STX8: variants seen among roughly 807,000 people sequenced by gnomAD.
The protein encoded by STX8 is syntaxin 8.
Under a neutral mutation model 37.5 loss-of-function variants are expected in STX8, and 23 were observed. That is an observed-to-expected ratio of 0.61 (90% CI 0.44 to 0.87). The LOEUF is 0.87. Ranked by LOEUF, STX8 falls within the 40% of genes least tolerant of loss-of-function variation. The probability of loss-of-function intolerance (pLI) is 0.00; values close to 1 mark genes in which losing one functional copy is unlikely to be tolerated. For missense variants in STX8, 313 were observed against 284.7 expected (o/e 1.10, Z -0.71); for synonymous variants, 115 against 99.1 (o/e 1.16, Z -0.95).
intron 7 of STX8, among the ~76,000 whole-genome samples, chr17:9,264,128 A>G (rs1907143268): frequency 6.6e-6 from 1 of 152,228 alleles, no homozygotes; most frequent in African/African-American, 2.4e-5. Context: ...ATGAGAAGAC[A>G]GAGAAAAGAG....
intron 7 of STX8, among the ~76,000 whole-genome samples, chr17:9,370,630 C>A (rs1911373683): frequency 6.6e-6 from 1 of 152,168 alleles, no homozygotes; most frequent in Non-Finnish European, 1.5e-5. Flanking sequence ...ACTAAAATCA[C>A]AATAAACGTG....
rs1278151632 is a variant in STX8, at chr17:9,429,998, A to ATAT, written c.542-51348_542-51346dup. ...TTATATAGAATATATTATATATAAT[A>ATAT]TATATATTATATATTATATATTATA... On this transcript the variant is annotated intron_variant, in intron 6 of 7. Coordinates refer to ENST00000306357, the MANE Select transcript of STX8 (RefSeq NM_004853.3). Among the ~76,000 whole-genome samples, 7 of 20,132 alleles carry ATAT rather than the reference A, an allele frequency of 3.5e-4. 2 individuals carry two copies. Among genetic ancestry groups the ATAT allele is most frequent in the Non-Finnish European group, 5.4e-4 (7 of 12,892 alleles). 13.2% of individuals were successfully genotyped at this position (20,132 alleles called of 152,430 possible). A position where few individuals can be genotyped will look rare whatever the true frequency, so the allele number is the denominator to read the frequency against.
chr17:9,460,464 G>A (rs1226782142), intron 6 of STX8, among the ~76,000 whole-genome samples: 1 of 152,126 alleles, frequency 6.6e-6, no homozygotes, highest in Non-Finnish European at 1.5e-5. Flanking sequence ...CCTGAGGTCA[G>A]GAATTCAAGA....
At chr17:9,524,607 T>C (rs1484129112) in intron 4 of STX8, among the ~76,000 whole-genome samples, 3 of 152,130 alleles carry the variant, frequency 2.0e-5, no homozygotes, top group African/African-American at 7.2e-5. Context: ...GCAAAGGGTG[T>C]CAATGAATAA....
At chr17:9,499,690 G>T (rs1022825563) in intron 5 of STX8, among the ~76,000 whole-genome samples, 3 of 152,122 alleles carry the variant, frequency 2.0e-5, no homozygotes, top group African/African-American at 7.2e-5. Flanking sequence ...GAGCCACCAC[G>T]CCCAGCCGGA....
chr17:9,330,432 C>G (rs1000336224), intron 7 of STX8, among the ~76,000 whole-genome samples: 2 of 152,206 alleles, frequency 1.3e-5, no homozygotes, highest in African/African-American at 2.4e-5. Context: ...TCCCACCCCC[C>G]AACCCGGTCT....
chr17:9,475,491 G>GC (rs1597696078), intron 6 of STX8, among the ~76,000 whole-genome samples: 1 of 152,176 alleles, frequency 6.6e-6, no homozygotes, highest in African/African-American at 2.4e-5. Flanking sequence ...GAACAGCTGA[G>GC]CCAGTCTGCC....
intron 7 of STX8, among the ~76,000 whole-genome samples, chr17:9,351,896 C>T (rs976934402): frequency 7.2e-5 from 11 of 151,928 alleles, no homozygotes; most frequent in South Asian, 2.1e-4. Context: ...GTCCTGTAAT[C>T]CTAGCGCTTT....
intron 4 of STX8, among the ~76,000 whole-genome samples, chr17:9,541,186 C>T (rs1032366911): frequency 6.6e-6 from 1 of 152,204 alleles, no homozygotes; most frequent in African/African-American, 2.4e-5. Context: ...GAAGACAAGA[C>T]ATTGGCAGCC....
intron 2 of STX8, among the ~76,000 whole-genome samples, chr17:9,567,118 A>T (rs1432192638): frequency 6.6e-6 from 1 of 152,162 alleles, no homozygotes. Context: ...ATATGGATAC[A>T]TAGGGGGACA....
At chr17:9,495,317 C>G (rs1030527773) in intron 5 of STX8, among the ~76,000 whole-genome samples, 4 of 152,110 alleles carry the variant, frequency 2.6e-5, no homozygotes, top group Admixed American at 2.6e-4. Flanking sequence ...AAGATAAATC[C>G]ATCCTCAACC....
chr17:9,312,681 C>T (rs1022180366), intron 7 of STX8, among the ~76,000 whole-genome samples: 1 of 152,094 alleles, frequency 6.6e-6, no homozygotes, highest in African/African-American at 2.4e-5. Flanking sequence ...CGGAAGGTCA[C>T]TTGGGTTAAA....
At chr17:9,280,251 A>C (rs1425303490) in intron 7 of STX8, among the ~76,000 whole-genome samples, 2 of 152,184 alleles carry the variant, frequency 1.3e-5, no homozygotes, top group Admixed American at 6.6e-5. Flanking sequence ...AAAATCAATG[A>C]AAAAAGTGTA....
At chr17:9,518,825 T>C (rs1415968393) in intron 4 of STX8, among the ~76,000 whole-genome samples, 2 of 147,950 alleles carry the variant, frequency 1.4e-5, no homozygotes, top group East Asian at 2.0e-4. Flanking sequence ...GCCGAGATCG[T>C]GCCACTGCAC....
intron 6 of STX8, among the ~76,000 whole-genome samples, chr17:9,412,718 C>T (rs1206865143): frequency 6.6e-6 from 1 of 152,182 alleles, no homozygotes; most frequent in African/African-American, 2.4e-5. Flanking sequence ...GTGCCCTCGA[C>T]ATTATCTCAG....
At chr17:9,378,694 C>T in intron 6 of STX8, 41 bp from the exon 7 acceptor site, 1 of 1,450,800 alleles carries the variant, frequency 6.9e-7, no homozygotes, top group Non-Finnish European at 9.7e-7. Flanking sequence ...CTGAAATACC[C>T]CGGTTCACAT....
intron 4 of STX8, among the ~76,000 whole-genome samples, chr17:9,533,024 A>G (rs1319373892): frequency 6.6e-6 from 1 of 152,232 alleles, no homozygotes; most frequent in African/African-American, 2.4e-5. Flanking sequence ...GCACCAAATT[A>G]TCTATTAACA....
At chr17:9,514,657 A>G (rs9904046) in intron 4 of STX8, among the ~76,000 whole-genome samples, 5,352 of 152,238 alleles carry the variant, frequency 0.035, 360 homozygotes, top group African/African-American at 0.12. Flanking sequence ...TGATGTTACA[A>G]TAGCAATAAC....
rs367737710 is a variant in STX8, at chr17:9,424,648, A to G, written c.542-45995T>C. 3.9e-5 allele frequency among the ~76,000 whole-genome samples: 6 copies of G among 152,184 alleles called. No homozygotes were observed. The East Asian group carries it at 1.2e-3, about 29-fold the overall frequency. ...TCATGCCCTGGCCCATTCTTGATCA[A>G]CTTCGAGTTACAGAATCAGCTCTCT... On this transcript the variant is annotated intron_variant, in intron 6 of 7. Coordinates refer to ENST00000306357, the MANE Select transcript of STX8 (RefSeq NM_004853.3).
Sources: gnomAD v4.1 joint callset for allele counts (sites outside exome capture counted in the v4.1 genomes callset) on GRCh38, gnomAD v4.1.1 for gene constraint, MANE v1.5 for transcripts, NCBI Gene and HGNC (gene_info 2026-07-23, HGNC 2026-07-21) for gene names.